Variants in RASGRP4 observed in about 807,000 individuals in gnomAD.
The protein encoded by RASGRP4 is RAS guanyl releasing protein 4.
Under a neutral mutation model 84.4 loss-of-function variants are expected in RASGRP4, and 52 were observed. The ratio of observed to expected loss-of-function variants is 0.62; its 90% CI spans 0.49 to 0.78. The LOEUF (loss-of-function observed/expected upper bound fraction) is 0.78, where lower values mean the gene tolerates loss of function less well. Among genes scored for constraint, RASGRP4 ranks in the 30% least tolerant of loss-of-function variants. The pLI is 0.00. For synonymous variants in RASGRP4, 356 were observed against 359.1 expected, an observed-to-expected ratio of 0.99 and a Z score of 0.10; for missense variants, 760 against 886.9, an observed-to-expected ratio of 0.86 and a Z score of 1.82.
rs925280432 is a variant in RASGRP4 at position 38,417,313 on chromosome 19, C to T, written c.838-145G>A. ...ACAGGTGAGAGAAGGCGGGTGTGTG[C>T]GGCAAGAGTGGGACATGCCATGTGT... is the stretch of plus-strand genomic sequence containing the variant. On this transcript the variant is annotated intron_variant, in intron 7 of 16. Coordinates refer to ENST00000615439, the MANE Select transcript of RASGRP4 (RefSeq NM_170604.3). This position sits in a 1 kb window ranked among gnomAD's most constrained non-coding sequence, Gnocchi z 5.1. 2.0e-5 allele frequency: 13 copies of T among 646,996 alleles called. No individual in the cohort carries two copies. Among genetic ancestry groups the T allele is most frequent in the Admixed American group, 8.9e-5 (4 of 45,102 alleles). 40.1% of individuals were successfully genotyped at this position (646,996 alleles called of 1,614,324 possible). A position where few individuals can be genotyped will look rare whatever the true frequency, so the allele number is the denominator to read the frequency against.
intron 13 of RASGRP4, among the ~76,000 whole-genome samples, chr19:38,411,951 A>T (rs1243739089): frequency 6.6e-6 from 1 of 152,222 alleles, no homozygotes; most frequent in Non-Finnish European, 1.5e-5. Flanking sequence ...AGGTTGAGAG[A>T]TTGATCCACT....
chr19:38,410,558 A>G (rs546668470), intron 16 of RASGRP4, among the ~76,000 whole-genome samples: 8 of 151,476 alleles, frequency 5.3e-5, no homozygotes, highest in African/African-American at 1.9e-4. Context: ...GACTACAGGC[A>G]CCCGCCATCA....
chr19:38,410,792 A>G (rs1971208224), intron 16 of RASGRP4, 94 bp downstream of exon 16: 1 of 869,676 alleles, frequency 1.1e-6, no homozygotes, highest in Non-Finnish European at 1.9e-6. Context: ...GCATATTTGT[A>G]CTTTCTATGG....
chr19:38,426,047 T>A, intron 1 of RASGRP4, 22 bp downstream of exon 1: 1 of 1,368,444 alleles, frequency 7.3e-7, no homozygotes, highest in South Asian at 2.0e-5. Flanking sequence ...GCTGCCGGGC[T>A]CCCTGGGGAG....
At position 38,410,815 on chromosome 19, in the gene RASGRP4, G is replaced by T. The variant is rs372554249; in HGVS notation, c.1965+71C>A. The T allele has an allele frequency of 2.4e-5, 27 of 1,123,778 alleles. No homozygotes were observed. In the African/African-American group the frequency reaches 4.0e-4, roughly 17 times the overall value. 69.6% of individuals were successfully genotyped at this position (1,123,778 alleles called of 1,614,324 possible). On this transcript the variant is annotated intron_variant, in intron 16 of 16. Coordinates refer to ENST00000615439, the MANE Select transcript of RASGRP4 (RefSeq NM_170604.3). ...GTACTTTCTATGGGTCTCCAAATCT[G>T]TCCAGTCTTCCCCACGCCAATGGCC...
intron 1 of RASGRP4, among the ~76,000 whole-genome samples, chr19:38,422,861 T>C (rs1004682528): frequency 6.6e-6 from 1 of 151,966 alleles, no homozygotes; most frequent in Admixed American, 6.6e-5. Context: ...CCCACCCCCT[T>C]CCACAAAACT....
intron 9 of RASGRP4, 147 bp downstream of exon 9, chr19:38,414,701 C>A: frequency 1.3e-6 from 1 of 787,230 alleles, no homozygotes; most frequent in Non-Finnish European, 2.0e-6. Context: ...CAAGATCACG[C>A]AGCTAGAAAA....
rs747457231 is a variant in RASGRP4 at position 38,413,085 on chromosome 19, T to C, written c.1417-36A>G. The C allele has an allele frequency of 1.3e-6, 2 of 1,590,522 alleles. No individual in the cohort carries two copies. The highest frequency in any genetic ancestry group is 8.6e-7 in the Non-Finnish European group (1 of 1,158,596). ...GTGTGGGGAAGCAGATAAGGCCCAG[T>C]TGTCGAAATATGATCCCCATGGCCA... On this transcript the variant is annotated intron_variant, in intron 11 of 16. Transcript: ENST00000615439. This position sits in a 1 kb window ranked among gnomAD's most constrained non-coding sequence, Gnocchi z 4.7.
intron 1 of RASGRP4, among the ~76,000 whole-genome samples, chr19:38,424,534 C>T (rs1376967219): frequency 6.6e-6 from 1 of 151,520 alleles, no homozygotes; most frequent in Non-Finnish European, 1.5e-5. Context: ...ATCCTCCTGC[C>T]TTAGTCTCCC....
chr19:38,418,388 C>T lies in RASGRP4; in HGVS notation c.837+3G>A, dbSNP rs1179792032. ...GTTCGCAGCCCCAAGGGGCGGGCCT[C>T]ACCTGTGCCACGTGAATGAACTTGT... On this transcript the variant is annotated splice_donor_region_variant and intron_variant, in intron 7 of 16. Coordinates refer to ENST00000615439, the MANE Select transcript of RASGRP4 (RefSeq NM_170604.3). This position sits in a 1 kb window ranked among gnomAD's most constrained non-coding sequence, Gnocchi z 4.6. 1 of 1,602,998 alleles carries T rather than the reference C, an allele frequency of 6.2e-7. No individual in the cohort carries two copies.
chr19:38,423,953 G>A (rs973055600), intron 1 of RASGRP4, among the ~76,000 whole-genome samples: 3 of 152,130 alleles, frequency 2.0e-5, no homozygotes, highest in Non-Finnish European at 4.4e-5. Flanking sequence ...CAAGGATGGT[G>A]GGAGCAGGGA....
In RASGRP4 at chr19:38,410,037, T is replaced by A; in HGVS notation, c.*3A>T. On this transcript the variant is annotated 3_prime_UTR_variant, in exon 17 of 17. Transcript: ENST00000615439. ...GTGAGGAAGAGAGGAGACCAAGAGA[T>A]GTCTAGGAATCCAGCTTGGAGGATG... The A allele has an allele frequency of 6.2e-7, 1 of 1,609,530 alleles. No individual in the cohort carries two copies. The highest frequency in any genetic ancestry group is 8.5e-7 in the Non-Finnish European group (1 of 1,177,540).
Position 38,417,282 on chromosome 19 carries a change from G to GTGAAC in RASGRP4, c.838-115_838-114insGTTCA, listed in dbSNP as rs966772579. The GTGAAC allele has an allele frequency of 2.4e-5, 17 of 701,764 alleles. No homozygotes were observed. In the African/African-American group the frequency reaches 2.8e-4, roughly 12 times the overall value. The allele number at this position is 701,764 out of a possible 1,614,324, so 43.5% of individuals were successfully genotyped here. ...CCAGGCATGTGTGGACCAATGTGGG[G>GTGAAC]ATCAGACAGGTGAGAGAAGGCGGGT... On this transcript the variant is annotated intron_variant, in intron 7 of 16. Coordinates refer to ENST00000615439, the MANE Select transcript of RASGRP4 (RefSeq NM_170604.3). This position sits in a 1 kb window ranked among gnomAD's most constrained non-coding sequence, Gnocchi z 5.1.
rs1600544167 is a variant in RASGRP4, at chr19:38,411,261, C to G, written c.1718-12G>C. The G allele has an allele frequency of 7.4e-6, 12 of 1,613,792 alleles. No individual in the cohort carries two copies. In the East Asian group the frequency reaches 2.7e-4, roughly 36 times the overall value. ...ACACAGCCCGCACTCTGGGGGAAGG[C>G]AGCGGCAGGGGTCCGATCTGTGTCA... On this transcript the variant is annotated splice_polypyrimidine_tract_variant and intron_variant, in intron 14 of 16. Coordinates refer to ENST00000615439, the MANE Select transcript of RASGRP4 (RefSeq NM_170604.3).
Position 38,414,849 on chromosome 19 carries a change from G to A in RASGRP4, c.1229C>T (p.Thr410Met), listed in dbSNP as rs536745461. The stretch of plus-strand genomic sequence containing the variant: ...CTGGGCGGGGCCAGGGGGGCTCACC[G>A]TGAGCAGGTGCAGCAGATCCTCATT... ...SANEDLLHLL[T>M]LSLDLFYTED... The change falls in exon 9 of 17, where the codon ACG becomes ATG. Residue 410 changes from threonine to methionine, a missense_variant and splice_region_variant. Physicochemically the swap from Thr to Met is moderately conservative, Grantham distance 81. Transcript: ENST00000615439. 1.3e-5 allele frequency: 21 copies of A among 1,586,744 alleles called. No individual in the cohort carries two copies. In the Admixed American group the frequency reaches 2.0e-4, roughly 15 times the overall value.
intron 14 of RASGRP4, 48 bp from the exon 15 acceptor site, chr19:38,411,297 C>T (rs1971245738): frequency 1.2e-6 from 2 of 1,612,176 alleles, no homozygotes; most frequent in Admixed American, 1.7e-5. Context: ...TCCATTCTTC[C>T]AGCCTGCGGG....
chr19:38,413,789 CATGAG>C lies in RASGRP4; in HGVS notation c.1231-320_1231-316del, dbSNP rs1971378047. 2.0e-5 allele frequency among the ~76,000 whole-genome samples: 3 copies of C among 152,178 alleles called. No individual in the cohort carries two copies. The South Asian group carries it at 6.2e-4, about 32-fold the overall frequency. ...AAAGCTTGAGATTTTGGGCTATCAG[CATGAG>C]AAGCTCAGAACCTTGGAGTTTAAGA... On this transcript the variant is annotated intron_variant, in intron 9 of 16. Transcript: ENST00000615439. This position sits in a 1 kb window ranked among gnomAD's most constrained non-coding sequence, Gnocchi z 4.7.
At position 38,418,307 on chromosome 19, in the gene RASGRP4, A is replaced by T; in HGVS notation, c.837+84T>A. 7.1e-7 allele frequency: 1 copy of T among 1,412,970 alleles called. No homozygotes were observed. The highest frequency in any genetic ancestry group is 9.7e-7 in the Non-Finnish European group (1 of 1,028,494). The allele number at this position is 1,412,970 out of a possible 1,614,324, so 87.5% of individuals were successfully genotyped here. On this transcript the variant is annotated intron_variant, in intron 7 of 16. Coordinates refer to ENST00000615439, the MANE Select transcript of RASGRP4 (RefSeq NM_170604.3). This position sits in a 1 kb window ranked among gnomAD's most constrained non-coding sequence, Gnocchi z 4.6. ...GATGCGTGACGTCACCGCCGGGATG[A>T]CCCTGTGGGGTCGAGGGTCTGGAAG... is the stretch of plus-strand genomic sequence containing the variant.
At chr19:38,416,991 T>TAGGTGTGGGGGCTCAAGACAG (rs1453096661) in intron 8 of RASGRP4, 61 bp downstream of exon 8, 7 of 978,530 alleles carry the variant, frequency 7.2e-6, no homozygotes, top group African/African-American at 4.8e-5. Flanking sequence ...CTTGGGGAAT[T>TAGGTGTGGGGGCTCAAGACAG]AGGTGTGGGG....
Sources: gnomAD v4.1 joint callset for allele counts (sites outside exome capture counted in the v4.1 genomes callset) on GRCh38, gnomAD v4.1.1 for gene constraint, Gnocchi (gnomAD v3.1) non-coding constraint, MANE v1.5 for transcripts, NCBI Gene and HGNC (gene_info 2026-07-23, HGNC 2026-07-21) for gene names.